Variants in GAK observed in about 807,000 individuals in gnomAD.
GAK encodes the protein cyclin-G-associated kinase.
Under a neutral mutation model 143.9 loss-of-function variants are expected in GAK, and 79 were observed. The ratio of observed to expected loss-of-function variants is 0.55; its 90% CI spans 0.46 to 0.66. The LOEUF (loss-of-function observed/expected upper bound fraction) is 0.66. Ranked by LOEUF, GAK falls within the 30% of genes least tolerant of loss-of-function variation. GAK has a pLI of 0.00. For synonymous variants in GAK, 881 were observed against 765.5 expected, an observed-to-expected ratio of 1.15 and a Z score of -2.49; for missense variants, 1,693 against 1,779.7, an observed-to-expected ratio of 0.95 and a Z score of 0.88.
At position 863,445 on chromosome 4, in the gene GAK, G is replaced by A. The variant is rs73064411; in HGVS notation, c.3166+1677C>T. On this transcript the variant is annotated intron_variant, in intron 23 of 27. Coordinates refer to ENST00000314167, the MANE Select transcript of GAK (RefSeq NM_005255.4). ...ACAGCAGTGGCAGGTTTGGGAGGAC[G>A]GAAGAAGCTCCATGTGGGTAAACGC... 2.8e-3 allele frequency among the ~76,000 whole-genome samples: 427 copies of A among 152,334 alleles called. 3 individuals are homozygous for A. The highest frequency in any genetic ancestry group is 9.9e-3 in the African/African-American group (411 of 41,584).
At chr4:875,915 T>C (rs1330846835) in intron 18 of GAK, among the ~76,000 whole-genome samples, 1 of 152,200 alleles carries the variant, frequency 6.6e-6, no homozygotes, top group Non-Finnish European at 1.5e-5. Context: ...CACTCCGGCC[T>C]GGGCGTTAGA....
At chr4:858,892 G>A (rs989522816) in intron 24 of GAK, among the ~76,000 whole-genome samples, 2 of 152,246 alleles carry the variant, frequency 1.3e-5, no homozygotes, top group Non-Finnish European at 2.9e-5. Context: ...GGGGCTGCAT[G>A]CTGGAGCGTC....
chr4:851,725 C>T, intron 25 of GAK, 25 bp downstream of exon 25: 1 of 1,604,960 alleles, frequency 6.2e-7, no homozygotes, highest in South Asian at 1.1e-5. Flanking sequence ...GCAAACTCCA[C>T]AGCAACAGAG....
intron 1 of GAK, among the ~76,000 whole-genome samples, chr4:918,260 A>T (rs1390959725): frequency 6.6e-6 from 1 of 152,224 alleles, no homozygotes; most frequent in African/African-American, 2.4e-5. Context: ...TAGAAACAAC[A>T]ACTACAAAAA....
rs144757449 is a variant in GAK, at chr4:867,711, G to A, written c.2396-279C>T. The stretch of plus-strand genomic sequence containing the variant: ...AGGAACACCAGGGTCCCCACGGCGC[G>A]TCCCCTCAGCCCAGGGCCTTGGCGA... On this transcript the variant is annotated intron_variant, in intron 20 of 27. Transcript: ENST00000314167. 1.3e-3 allele frequency among the ~76,000 whole-genome samples: 202 copies of A among 152,008 alleles called. 1 individual carries two copies. Among genetic ancestry groups the A allele is most frequent in the African/African-American group, 4.6e-3 (189 of 41,482 alleles).
intron 1 of GAK, among the ~76,000 whole-genome samples, chr4:931,461 G>A (rs1253416712): frequency 8.8e-6 from 1 of 113,382 alleles, no homozygotes; most frequent in East Asian, 3.0e-4. Flanking sequence ...CCTGCAACAC[G>A]TGTGCACCCA....
At chr4:859,454 C>T (rs530156145) in intron 24 of GAK, 152 bp downstream of exon 24, 53 of 1,594,416 alleles carry the variant, frequency 3.3e-5, no homozygotes, top group East Asian at 2.3e-4. Flanking sequence ...GGTGCAGACA[C>T]GCTGTCCCCT....
chr4:856,750 T>C (rs981483969), intron 24 of GAK, among the ~76,000 whole-genome samples: 2 of 152,254 alleles, frequency 1.3e-5, no homozygotes, highest in African/African-American at 4.8e-5. Context: ...CCACCACAGC[T>C]GGCTAATTCT....
chr4:915,330 T>C (rs114757879), intron 1 of GAK, among the ~76,000 whole-genome samples: 2,401 of 151,982 alleles, frequency 0.016, 32 homozygotes, highest in Non-Finnish European at 0.025. Context: ...CAGAGGTCAA[T>C]AGAAGGAAAA....
intron 15 of GAK, among the ~76,000 whole-genome samples, chr4:879,656 A>T (rs1156815602): frequency 6.6e-6 from 1 of 152,094 alleles, no homozygotes; most frequent in Non-Finnish European, 1.5e-5. Context: ...TCATGTGTTC[A>T]TCTTGCTTTC....
rs956872139 is a variant in GAK at position 904,520 on chromosome 4, G to A, written c.525+117C>T. On this transcript the variant is annotated intron_variant, in intron 5 of 27. Coordinates refer to ENST00000314167, the MANE Select transcript of GAK (RefSeq NM_005255.4). ...GGCGGCTCCTAACCGAGCGGGACCC[G>A]CACACAGAGGCCTCAGCAGCCGCTA... 44 of 805,060 alleles carry A rather than the reference G, an allele frequency of 5.5e-5. 1 individual carries two copies. The highest frequency in any genetic ancestry group is 9.8e-5 in the Admixed American group (3 of 30,688). The allele number at this position is 805,060 out of a possible 1,614,324, so 49.9% of individuals were successfully genotyped here.
In GAK at chr4:866,952, G is replaced by A. The variant is rs751636732; in HGVS notation, c.2872+4C>T. 15 of 1,480,362 alleles carry A rather than the reference G, an allele frequency of 1.0e-5. No homozygotes were observed. The African/African-American group carries it at 1.1e-4, about 11-fold the overall frequency. 91.7% of individuals were successfully genotyped at this position (1,480,362 alleles called of 1,614,324 possible). A position where few individuals can be genotyped will look rare whatever the true frequency, so the allele number is the denominator to read the frequency against. On this transcript the variant is annotated splice_donor_region_variant and intron_variant, in intron 21 of 27. Coordinates refer to ENST00000314167, the MANE Select transcript of GAK (RefSeq NM_005255.4). ...CCACTCGCCTTCAGAACAGAAACAC[G>A]TACCAGCGGCAGGGGGCCCTCCTCT...
Position 913,594 on chromosome 4 carries a change from A to C in GAK, c.207+13T>G. 1 of 1,606,718 alleles carries C rather than the reference A, an allele frequency of 6.2e-7. No homozygotes were observed. Among genetic ancestry groups the C allele is most frequent in the Non-Finnish European group, 8.5e-7 (1 of 1,173,326 alleles). On this transcript the variant is annotated intron_variant, in intron 2 of 27. Transcript: ENST00000314167. ...CGTCAGAAATCCAGAGAAGGCGTTA[A>C]ATGGTTCATTACCTTTAATGCATAC... is the stretch of plus-strand genomic sequence containing the variant.
At chr4:904,853 C>CGGACTTCCCA in intron 4 of GAK, 74 bp from the exon 5 acceptor site, 1 of 1,473,904 alleles carries the variant, frequency 6.8e-7, no homozygotes. Context: ...CTGTTTCACG[C>CGGACTTCCCA]GGACTTCCCA....
At chr4:891,644 C>T (rs1717684798) in intron 9 of GAK, among the ~76,000 whole-genome samples, 1 of 152,126 alleles carries the variant, frequency 6.6e-6, no homozygotes, top group Non-Finnish European at 1.5e-5. Context: ...CCCATCTGCC[C>T]AGCGGCACCT....
rs560014988 is a variant in GAK, at chr4:931,637, C to G, written c.145+406G>C. ...CTCCAGCTGTCGGCCTTCTAGGCAC[C>G]GTCCCTCAGTCTCCGCTGTGGGTCC... On this transcript the variant is annotated intron_variant, in intron 1 of 27. Transcript: ENST00000314167. 2.0e-5 allele frequency among the ~76,000 whole-genome samples: 3 copies of G among 152,270 alleles called. No individual in the cohort carries two copies. The East Asian group carries it at 5.8e-4, about 29-fold the overall frequency.
At chr4:856,791 G>A (rs932516899) in intron 24 of GAK, among the ~76,000 whole-genome samples, 2 of 152,212 alleles carry the variant, frequency 1.3e-5, no homozygotes, top group Non-Finnish European at 2.9e-5. Flanking sequence ...GCTCAAGCTG[G>A]TTTCAAACTC....
At chr4:881,476 G>A (rs531036626) in intron 15 of GAK, among the ~76,000 whole-genome samples, 3 of 152,218 alleles carry the variant, frequency 2.0e-5, no homozygotes, top group Admixed American at 6.5e-5. Flanking sequence ...AGCCTGCTGC[G>A]CGCTGAGGTG....
chr4:907,657 C>T (rs1721320627), intron 4 of GAK, among the ~76,000 whole-genome samples: 2 of 152,194 alleles, frequency 1.3e-5, no homozygotes, highest in Non-Finnish European at 2.9e-5. Context: ...GGAGGGGTTG[C>T]CTCATGGGAG....
Sources: gnomAD v4.1 joint callset for allele counts (sites outside exome capture counted in the v4.1 genomes callset) on GRCh38, gnomAD v4.1.1 for gene constraint, MANE v1.5 for transcripts, NCBI Gene and HGNC (gene_info 2026-07-23, HGNC 2026-07-21) for gene names.